SAMMSON: variants seen among roughly 807,000 people sequenced by gnomAD.
SAMMSON encodes the protein survival associated mitochondrial melanoma specific oncogenic non-coding RNA, also known as long intergenic non-protein coding RNA 1212.
At chr3:70,291,988 A>G (rs1702243690) in intron 7 of SAMMSON, 1 of 152,182 alleles carries the variant, frequency 6.6e-6, no homozygotes, top group South Asian at 2.1e-4. Context: ...AAGCATTTCT[A>G]TCATATACAA....
At chr3:70,002,245 C>T (rs558510987) in intron 1 of SAMMSON, among the ~76,000 whole-genome samples, 1 of 152,246 alleles carries the variant, frequency 6.6e-6, no homozygotes, top group Non-Finnish European at 1.5e-5. Flanking sequence ...TGTAGAAATG[C>T]AACTGCTGGG....
intron 7 of SAMMSON, among the ~76,000 whole-genome samples, chr3:70,349,718 C>T (rs961687961): frequency 2.0e-5 from 3 of 151,964 alleles, no homozygotes; most frequent in Non-Finnish European, 4.4e-5. Context: ...GCAAGAAGTC[C>T]CAAATATTTC....
At chr3:70,336,858 G>GT (rs1491478364) in intron 7 of SAMMSON, among the ~76,000 whole-genome samples, 442 of 135,832 alleles carry the variant, frequency 3.3e-3, no homozygotes, top group Non-Finnish European at 5.2e-3. Context: ...GTGTGTGTGT[G>GT]GAGAGAGAGA....
At chr3:70,363,037 AG>A (rs1702888588) in intron 9 of SAMMSON, among the ~76,000 whole-genome samples, 1 of 152,108 alleles carries the variant, frequency 6.6e-6, no homozygotes, top group African/African-American at 2.4e-5. Flanking sequence ...ACTAACAGAT[AG>A]ACCATAGTAA....
chr3:70,212,231 C>T (rs1391075171), intron 4 of SAMMSON, among the ~76,000 whole-genome samples: 2 of 152,152 alleles, frequency 1.3e-5, no homozygotes, highest in Admixed American at 6.6e-5. Context: ...TTTCAGTCCT[C>T]AAGAAGCTCA....
chr3:70,049,684 A>G (rs185849494), intron 3 of SAMMSON, among the ~76,000 whole-genome samples: 2 of 152,268 alleles, frequency 1.3e-5, no homozygotes, highest in East Asian at 1.9e-4. Context: ...CATTATCATT[A>G]TAATTCTTTT....
chr3:70,184,313 G>A (rs2106707231), intron 4 of SAMMSON: 1 of 152,264 alleles, frequency 6.6e-6, no homozygotes, highest in East Asian at 1.9e-4. Flanking sequence ...ACTTCTCAGA[G>A]CCTTTACTAT....
At chr3:70,356,099 C>G (rs1401904261) in intron 8 of SAMMSON, among the ~76,000 whole-genome samples, 1 of 152,090 alleles carries the variant, frequency 6.6e-6, no homozygotes, top group East Asian at 1.9e-4. Context: ...GATTACTGAT[C>G]TAACGGTAAT....
At chr3:70,018,684 T>C (rs1156270514) in intron 3 of SAMMSON, among the ~76,000 whole-genome samples, 1 of 152,120 alleles carries the variant, frequency 6.6e-6, no homozygotes, top group Non-Finnish European at 1.5e-5. Flanking sequence ...AGGGTGTCAA[T>C]TTTAGATCTT....
At chr3:70,226,898 G>C (rs1225359555) in intron 4 of SAMMSON, among the ~76,000 whole-genome samples, 2 of 152,096 alleles carry the variant, frequency 1.3e-5, no homozygotes, top group East Asian at 3.9e-4. Flanking sequence ...AGAGGGACTG[G>C]TGGGAATTCT....
intron 4 of SAMMSON, among the ~76,000 whole-genome samples, chr3:70,089,409 T>C (rs554049797): frequency 1.5e-4 from 23 of 152,132 alleles, no homozygotes; most frequent in African/African-American, 5.5e-4. Context: ...GAAAACTGAG[T>C]CAAACAGAGA....
chr3:70,025,721 A>G (rs2067034889), intron 3 of SAMMSON, among the ~76,000 whole-genome samples: 1 of 152,178 alleles, frequency 6.6e-6, no homozygotes, highest in Non-Finnish European at 1.5e-5. Flanking sequence ...CTTAACTACA[A>G]TAGCCTTCTG....
At chr3:70,137,954 A>G (rs933543121) in intron 4 of SAMMSON, among the ~76,000 whole-genome samples, 1 of 152,276 alleles carries the variant, frequency 6.6e-6, no homozygotes, top group Admixed American at 6.5e-5. Context: ...TAGCTTGCTA[A>G]TATACATTCA....
chr3:70,356,786 A>C (rs888870583), intron 8 of SAMMSON, among the ~76,000 whole-genome samples: 2 of 152,014 alleles, frequency 1.3e-5, no homozygotes, highest in African/African-American at 4.8e-5. Flanking sequence ...CTCTCTTTCT[A>C]ATTTGCTGTG....
intron 6 of SAMMSON, among the ~76,000 whole-genome samples, chr3:70,267,962 TCCTTTCGCCTCC>T (rs1215454275): frequency 4.6e-5 from 7 of 151,452 alleles, no homozygotes; most frequent in East Asian, 3.9e-4. Context: ...CCTTCTCCTT[TCCTTTCGCCTCC>T]CCTTTCGCCT....
chr3:70,252,896 A>G lies in SAMMSON; in HGVS notation n.674+3226A>G, dbSNP rs113696491. On this transcript the variant is annotated intron_variant and non_coding_transcript_variant, in intron 6 of 9. Coordinates refer to ENST00000642114, the Ensembl canonical transcript of SAMMSON. The stretch of plus-strand genomic sequence containing the variant: ...GGAGTTCGAGACCAGCGTGGCCAAC[A>G]TCGTGAAACCCCCTCTCTACTAAAA... 3.9e-4 allele frequency among the ~76,000 whole-genome samples: 59 copies of G among 152,180 alleles called. 1 individual carries two copies. Among genetic ancestry groups the G allele is most frequent in the African/African-American group, 1.4e-3 (59 of 41,536 alleles).
chr3:70,081,138 G>T (rs182128541), intron 4 of SAMMSON, among the ~76,000 whole-genome samples: 139 of 152,172 alleles, frequency 9.1e-4, no homozygotes, highest in African/African-American at 3.3e-3. Context: ...TTTTAAGACG[G>T]AGTCTCACTC....
intron 3 of SAMMSON, among the ~76,000 whole-genome samples, chr3:70,037,297 T>C (rs1025260819): frequency 2.0e-5 from 3 of 152,028 alleles, no homozygotes; most frequent in Admixed American, 6.6e-5. Flanking sequence ...GTGGTAGTCA[T>C]ATGATCGAAG....
chr3:70,192,297 T>C (rs527659340), intron 4 of SAMMSON, among the ~76,000 whole-genome samples: 1 of 152,160 alleles, frequency 6.6e-6, no homozygotes, highest in African/African-American at 2.4e-5. Context: ...GTGTTTTAGA[T>C]CTCCAGGCCT....
Sources: allele counts gnomAD v4.1 joint callset (sites outside exome capture counted in the v4.1 genomes callset), GRCh38; gene constraint gnomAD v4.1.1; transcripts MANE v1.5; gene names NCBI Gene and HGNC (gene_info 2026-07-23, HGNC 2026-07-21).